PALS2: variants seen among roughly 807,000 people sequenced by gnomAD.
PALS2 encodes protein associated with LIN7 2, MAGUK p55 family member.
Under a neutral mutation model 61.6 loss-of-function variants are expected in PALS2, and 27 were observed. The observed-to-expected ratio is 0.44, with a 90% CI of 0.32 to 0.60. The LOEUF (loss-of-function observed/expected upper bound fraction) is 0.60, where lower values mean the gene tolerates loss of function less well. Ranked by LOEUF, PALS2 falls within the 20% of genes least tolerant of loss-of-function variation. The pLI, the probability that PALS2 is intolerant of heterozygous loss-of-function variation, is 0.05. For synonymous variants in PALS2, 236 were observed against 218.6 expected (o/e 1.08, Z -0.70); for missense variants, 554 against 639.4 (o/e 0.87, Z 1.44).
At position 24,687,612 on chromosome 7, in the gene PALS2, T is replaced by C. The variant is rs778216285; in HGVS notation, c.1621T>C (p.Ter541ArgextTer1). The C allele has an allele frequency of 1.2e-6, 2 of 1,600,700 alleles. No individual in the cohort carries two copies. The highest frequency in any genetic ancestry group is 1.7e-6 in the Non-Finnish European group (2 of 1,176,450). The change falls in exon 12 of 12, where the codon TGA becomes CGA. Residue 541 changes from the stop codon to arginine, a stop_lost. Coordinates refer to ENST00000222644, the MANE Select transcript of PALS2 (RefSeq NM_001303037.2). This position sits in a 1 kb window ranked among gnomAD's most constrained non-coding sequence, Gnocchi z 4.5. ...PQWVPISWVY* is the reference protein window; with the variant it reads ...PQWVPISWVYR ...GTGGGTCCCAATCAGCTGGGTTTAC[T>C]GATGATTCAGTAAGGTTAACAATGA...
intron 2 of PALS2, among the ~76,000 whole-genome samples, chr7:24,634,370 A>G (rs373975530): frequency 6.6e-6 from 1 of 152,216 alleles, no homozygotes. Flanking sequence ...AGCTGGGACT[A>G]CAGGCGCCCG....
chr7:24,573,471 A>G lies in PALS2; in HGVS notation c.-125A>G. On this transcript the variant is annotated 5_prime_UTR_variant, in exon 1 of 12. Coordinates refer to ENST00000222644, the MANE Select transcript of PALS2 (RefSeq NM_001303037.2). The surrounding 1 kb of genome is among the most constrained non-coding windows in gnomAD (Gnocchi z 5.3). ...AGAGACGCATTTCCAGTTCTCAACT[A>G]CGAGCCACGAGTTTGCAGATGGGGC... is the stretch of plus-strand genomic sequence containing the variant. 4 of 379,034 alleles carry G rather than the reference A, an allele frequency of 1.1e-5. No homozygotes were observed. The highest frequency in any genetic ancestry group is 3.7e-5 in the East Asian group (1 of 26,988). 23.5% of individuals were successfully genotyped at this position (379,034 alleles called of 1,614,324 possible).
chr7:24,616,301 A>T (rs1784291176), intron 1 of PALS2, among the ~76,000 whole-genome samples: 1 of 152,108 alleles, frequency 6.6e-6, no homozygotes, highest in Non-Finnish European at 1.5e-5. Context: ...AGAAAAGCCT[A>T]AAAGACTCTA....
At chr7:24,626,132 C>T (rs1399793402) in intron 2 of PALS2, among the ~76,000 whole-genome samples, 2 of 151,908 alleles carry the variant, frequency 1.3e-5, no homozygotes, top group African/African-American at 4.8e-5. Context: ...GGGAAAAAAA[C>T]ATGTAAAATA....
At chr7:24,666,973 C>T (rs1374120631) in intron 8 of PALS2, 1 of 152,076 alleles carries the variant, frequency 6.6e-6, no homozygotes, top group African/African-American at 2.4e-5. Context: ...TCAGAGCTAC[C>T]TCTATGCTGG....
intron 1 of PALS2, among the ~76,000 whole-genome samples, chr7:24,613,982 A>T (rs1321528748): frequency 6.6e-6 from 1 of 151,780 alleles, no homozygotes; most frequent in Admixed American, 6.6e-5. Flanking sequence ...TTATTCATTT[A>T]TCTGTTATTG....
At chr7:24,590,379 C>G (rs148618768) in intron 1 of PALS2, among the ~76,000 whole-genome samples, 1 of 152,230 alleles carries the variant, frequency 6.6e-6, no homozygotes, top group East Asian at 1.9e-4. Context: ...AGGACACATT[C>G]TTTCCAAGGT....
intron 5 of PALS2, among the ~76,000 whole-genome samples, chr7:24,652,052 A>G (rs1229517789): frequency 6.6e-6 from 1 of 152,192 alleles, no homozygotes; most frequent in Non-Finnish European, 1.5e-5. Flanking sequence ...GTACTTAGAC[A>G]TTTCATATCA....
chr7:24,682,812 A>ATG (rs1788002901), intron 11 of PALS2, among the ~76,000 whole-genome samples: 1 of 152,048 alleles, frequency 6.6e-6, no homozygotes, highest in Admixed American at 6.6e-5. Context: ...ATAATAAGTC[A>ATG]CTTATCCTAC....
chr7:24,587,433 A>G (rs929566174), intron 1 of PALS2, among the ~76,000 whole-genome samples: 6 of 152,110 alleles, frequency 3.9e-5, no homozygotes, highest in African/African-American at 1.4e-4. Flanking sequence ...AGTCGAGTAC[A>G]GTGGCCTGAT....
At chr7:24,580,538 T>C (rs1351155265) in intron 1 of PALS2, among the ~76,000 whole-genome samples, 1 of 152,222 alleles carries the variant, frequency 6.6e-6, no homozygotes, top group Admixed American at 6.5e-5. Context: ...TTGCATACTC[T>C]TCCCTCCTCT....
intron 2 of PALS2, among the ~76,000 whole-genome samples, chr7:24,635,230 A>G (rs1785179956): frequency 1.3e-5 from 2 of 152,092 alleles, no homozygotes; most frequent in Admixed American, 1.3e-4. Flanking sequence ...TTCTTTCAAC[A>G]ATGTTTTATA....
chr7:24,687,719 G>A lies in PALS2; in HGVS notation c.*105G>A. The A allele has an allele frequency of 8.5e-7, 1 of 1,176,274 alleles. No homozygotes were observed. The highest frequency in any genetic ancestry group is 2.9e-5 in the Admixed American group (1 of 34,748). 72.9% of individuals were successfully genotyped at this position (1,176,274 alleles called of 1,614,324 possible). A position where few individuals can be genotyped will look rare whatever the true frequency, so the allele number is the denominator to read the frequency against. On this transcript the variant is annotated 3_prime_UTR_variant, in exon 12 of 12. Transcript: ENST00000222644. This position sits in a 1 kb window ranked among gnomAD's most constrained non-coding sequence, Gnocchi z 4.5. ...TCACAGATAGAAGATTATCTGCTAA[G>A]TCCAGGCATTTTTATGGTGTAGATT...
intron 2 of PALS2, among the ~76,000 whole-genome samples, chr7:24,636,779 T>C (rs1483566596): frequency 1.3e-5 from 2 of 151,262 alleles, no homozygotes; most frequent in African/African-American, 2.4e-5. Context: ...CTTTTTCTTA[T>C]TGATTTGTAG....
chr7:24,679,803 C>T (rs1025274614), intron 10 of PALS2, among the ~76,000 whole-genome samples: 4 of 152,150 alleles, frequency 2.6e-5, no homozygotes, highest in Admixed American at 2.0e-4. Flanking sequence ...CGTCCCTACT[C>T]AGAGATAAAA....
chr7:24,673,627 G>T (rs778795664), intron 9 of PALS2, among the ~76,000 whole-genome samples: 10 of 151,892 alleles, frequency 6.6e-5, no homozygotes, highest in Non-Finnish European at 1.3e-4. Context: ...TTTCTGCAGG[G>T]TTCATAGTAA....
chr7:24,599,147 C>T (rs1293056327), intron 1 of PALS2, among the ~76,000 whole-genome samples: 3 of 152,136 alleles, frequency 2.0e-5, no homozygotes, highest in Non-Finnish European at 4.4e-5. Flanking sequence ...TGTACTAACA[C>T]ACACATAGAT....
chr7:24,635,940 G>A (rs149849653), intron 2 of PALS2, among the ~76,000 whole-genome samples: 2,482 of 152,070 alleles, frequency 0.016, 79 homozygotes, highest in African/African-American at 0.057. Context: ...GGCCAGGCGC[G>A]GTGGCTCATG....
intron 1 of PALS2, among the ~76,000 whole-genome samples, chr7:24,614,889 C>CAT (rs1208756059): frequency 1.3e-5 from 2 of 151,806 alleles, no homozygotes; most frequent in Non-Finnish European, 2.9e-5. Flanking sequence ...CATTTATGAC[C>CAT]ATATGTTAGG....
Sources: allele counts gnomAD v4.1 joint callset (sites outside exome capture counted in the v4.1 genomes callset), GRCh38; gene constraint gnomAD v4.1.1; non-coding constraint Gnocchi (gnomAD v3.1); transcripts MANE v1.5; gene names NCBI Gene and HGNC (gene_info 2026-07-23, HGNC 2026-07-21).